The following TMEM132B variants were observed in gnomAD, a reference collection of about 807,000 sequenced individuals.
TMEM132B encodes transmembrane protein 132B.
In TMEM132B, 18 loss-of-function variants were observed where a neutral mutation model predicts 90.8. The ratio of observed to expected loss-of-function variants is 0.20; its 90% confidence interval spans 0.14 to 0.29. The LOEUF (loss-of-function observed/expected upper bound fraction) is 0.29. Among genes scored for constraint, TMEM132B ranks in the 10% least tolerant of loss-of-function variants. The pLI is 1.00. For synonymous variants in TMEM132B, 504 were observed against 523.3 expected, an observed-to-expected ratio of 0.96 and a Z score of 0.50; for missense variants, 1,096 against 1,326.8, an observed-to-expected ratio of 0.83 and a Z score of 2.70.
chr12:125,581,903 T>TATATTTATA (rs1885062631), intron 4 of TMEM132B, among the ~76,000 whole-genome samples: 1 of 152,132 alleles, frequency 6.6e-6, no homozygotes, highest in Non-Finnish European at 1.5e-5. Flanking sequence ...TATATGTAAG[T>TATATTTATA]GTGCACAGAA....
chr12:125,465,231 T>C (rs1184999104), intron 3 of TMEM132B, among the ~76,000 whole-genome samples: 1 of 152,214 alleles, frequency 6.6e-6, no homozygotes, highest in African/African-American at 2.4e-5. Flanking sequence ...TCTTTTGTCC[T>C]CTCAATGATC....
chr12:125,243,150 TA>T, intron 1 of TMEM132B, among the ~76,000 whole-genome samples: 1 of 129,058 alleles, frequency 7.7e-6, no homozygotes, highest in Middle Eastern at 3.8e-3. Context: ...TATATATATA[TA>T]ATTTTTTTTT....
intron 2 of TMEM132B, among the ~76,000 whole-genome samples, chr12:125,357,836 C>T (rs78695227): frequency 0.012 from 1,900 of 152,296 alleles, 44 homozygotes; most frequent in African/African-American, 0.042. Flanking sequence ...ACTCATGTCA[C>T]GCCCTGGGAA....
At position 125,306,675 on chromosome 12, in the gene TMEM132B, G is replaced by T. The variant is rs80181526; in HGVS notation, c.68-42777G>T. On this transcript the variant is annotated intron_variant, in intron 1 of 8. Transcript: ENST00000682704. ...CCCTTCACTGCTCCCAGCCATTATTGTTGCTTGCCTGGACCATTGCAGTGG... is the reference window on the plus strand; with the variant it reads ...CCCTTCACTGCTCCCAGCCATTATTTTTGCTTGCCTGGACCATTGCAGTGG... Among the ~76,000 whole-genome samples the T allele has an allele frequency of 8.5e-5, 13 of 152,220 alleles. No homozygotes were observed. In the East Asian group the frequency reaches 2.5e-3, roughly 29 times the overall value.
At chr12:125,611,283 G>T (rs866089520) in intron 5 of TMEM132B, among the ~76,000 whole-genome samples, 20 of 151,702 alleles carry the variant, frequency 1.3e-4, no homozygotes, top group Middle Eastern at 3.4e-3. Flanking sequence ...AACTACTTGG[G>T]TTTTTTTCTC....
At chr12:125,278,132 G>A (rs1403387474) in intron 1 of TMEM132B, among the ~76,000 whole-genome samples, 2 of 152,216 alleles carry the variant, frequency 1.3e-5, no homozygotes, top group African/African-American at 2.4e-5. Flanking sequence ...AACTACAGCC[G>A]GTGGGTCAAA....
At chr12:125,537,530 C>G (rs565317037) in intron 4 of TMEM132B, among the ~76,000 whole-genome samples, 1 of 152,262 alleles carries the variant, frequency 6.6e-6, no homozygotes, top group South Asian at 2.1e-4. Context: ...TTGACAATGG[C>G]TGCAGTGAGG....
intron 2 of TMEM132B, among the ~76,000 whole-genome samples, chr12:125,372,108 C>T (rs1413037874): frequency 1.3e-5 from 2 of 152,204 alleles, no homozygotes. Flanking sequence ...ACACTTTTTG[C>T]AAGAAATTCA....
At chr12:125,345,106 G>A (rs1046720258) in intron 1 of TMEM132B, among the ~76,000 whole-genome samples, 1 of 152,128 alleles carries the variant, frequency 6.6e-6, no homozygotes, top group African/African-American at 2.4e-5. Context: ...CCAGTAAGGA[G>A]TTTCTCTTCC....
At chr12:125,518,345 C>T (rs2694873) in intron 3 of TMEM132B, among the ~76,000 whole-genome samples, 49,166 of 152,032 alleles carry the variant, frequency 0.32, 12,059 homozygotes, top group East Asian at 0.74. Context: ...AGTTTGGGAG[C>T]CCAGACTGCA....
intron 2 of TMEM132B, among the ~76,000 whole-genome samples, chr12:125,392,090 C>T (rs1407309174): frequency 1.3e-5 from 2 of 152,152 alleles, no homozygotes; most frequent in African/African-American, 2.4e-5. Context: ...TAATACCAGC[C>T]TGGCCACATA....
intron 4 of TMEM132B, among the ~76,000 whole-genome samples, chr12:125,579,852 T>C (rs1233258339): frequency 6.6e-6 from 1 of 152,112 alleles, no homozygotes; most frequent in African/African-American, 2.4e-5. Flanking sequence ...GTCTCATAAG[T>C]TTTTTTTCAA....
intron 2 of TMEM132B, among the ~76,000 whole-genome samples, chr12:125,401,368 A>G (rs925902266): frequency 1.3e-5 from 2 of 152,202 alleles, no homozygotes; most frequent in Admixed American, 1.3e-4. Flanking sequence ...AGCAAAGTGT[A>G]TATTGGGTAC....
At position 125,492,539 on chromosome 12, in the gene TMEM132B, C is replaced by T. The variant is rs1056259950; in HGVS notation, c.1107-26900C>T. ...CTCCCCTGGTGTTCCCAGCCAGCTT[C>T]CTGCACAGGGCGGACAGGAGCCAGG... On this transcript the variant is annotated intron_variant, in intron 3 of 8. Coordinates refer to ENST00000682704, the MANE Select transcript of TMEM132B (RefSeq NM_001366854.1). This position sits in a 1 kb window ranked among gnomAD's most constrained non-coding sequence, Gnocchi z 5.8. 9.2e-5 allele frequency among the ~76,000 whole-genome samples: 14 copies of T among 152,172 alleles called. No individual in the cohort carries two copies. Among genetic ancestry groups the T allele is most frequent in the Admixed American group, 3.3e-4 (5 of 15,284 alleles).
At chr12:125,554,206 G>A (rs1884310531) in intron 4 of TMEM132B, among the ~76,000 whole-genome samples, 3 of 151,686 alleles carry the variant, frequency 2.0e-5, no homozygotes, top group Non-Finnish European at 2.9e-5. Flanking sequence ...GGTGGATCAC[G>A]AGGTCAGGAG....
intron 1 of TMEM132B, among the ~76,000 whole-genome samples, chr12:125,273,874 G>C (rs1874915700): frequency 6.6e-6 from 1 of 152,164 alleles, no homozygotes; most frequent in Non-Finnish European, 1.5e-5. Flanking sequence ...ATGTTGGTCA[G>C]TCTGGTCTTG....
intron 3 of TMEM132B, among the ~76,000 whole-genome samples, chr12:125,447,340 AG>A (rs1198361439): frequency 6.6e-6 from 1 of 152,138 alleles, no homozygotes; most frequent in East Asian, 1.9e-4. Flanking sequence ...AATTCTCATT[AG>A]CTTCAAAGTT....
At chr12:125,422,927 T>C (rs927048399) in intron 3 of TMEM132B, among the ~76,000 whole-genome samples, 3 of 152,192 alleles carry the variant, frequency 2.0e-5, no homozygotes, top group Non-Finnish European at 4.4e-5. Context: ...AGAGGATTTA[T>C]AACAGCAGCC....
At chr12:125,551,309 T>A (rs1884223503) in intron 4 of TMEM132B, among the ~76,000 whole-genome samples, 1 of 152,236 alleles carries the variant, frequency 6.6e-6, no homozygotes, top group Admixed American at 6.5e-5. Flanking sequence ...GCAGTGAGTG[T>A]GACAGAAACC....
Sources: allele counts gnomAD v4.1 joint callset (sites outside exome capture counted in the v4.1 genomes callset), GRCh38; gene constraint gnomAD v4.1.1; non-coding constraint Gnocchi (gnomAD v3.1); transcripts MANE v1.5; gene names NCBI Gene and HGNC (gene_info 2026-07-23, HGNC 2026-07-21).